Variants in PRKCH observed in about 807,000 individuals in gnomAD.
The protein encoded by PRKCH is protein kinase C eta type.
Under a neutral mutation model 82.5 loss-of-function variants are expected in PRKCH, and 28 were observed. That is an observed-to-expected ratio of 0.34 (90% CI 0.25 to 0.47). The LOEUF (loss-of-function observed/expected upper bound fraction) is 0.47. PRKCH is among the 20% of genes least tolerant of loss of function. PRKCH has a pLI of 1.00. For synonymous variants in PRKCH, 322 were observed against 327.4 expected, an observed-to-expected ratio of 0.98 and a Z score of 0.18; for missense variants, 705 against 881.8, an observed-to-expected ratio of 0.80 and a Z score of 2.54.
intron 2 of PRKCH, among the ~76,000 whole-genome samples, chr14:61,441,350 A>T (rs1883960879): frequency 6.6e-6 from 1 of 152,128 alleles, no homozygotes; most frequent in African/African-American, 2.4e-5. Context: ...AGAAAAAGAG[A>T]GCCGGTGTGG....
At chr14:61,537,134 T>C (rs781521622) in intron 12 of PRKCH, among the ~76,000 whole-genome samples, 1 of 152,174 alleles carries the variant, frequency 6.6e-6, no homozygotes, top group African/African-American at 2.4e-5. Flanking sequence ...GGAAGACTAT[T>C]TTTCTTGCTT....
chr14:61,519,211 G>A (rs909046612), intron 10 of PRKCH, among the ~76,000 whole-genome samples: 8 of 152,054 alleles, frequency 5.3e-5, no homozygotes, highest in Non-Finnish European at 1.0e-4. Flanking sequence ...GGGCCCAGAC[G>A]GTCGTGGCTG....
rs898388436 is a variant in PRKCH at position 61,391,222 on chromosome 14, T to C, written c.364-3T>C. 6.2e-7 allele frequency: 1 copy of C among 1,607,786 alleles called. No homozygotes were observed. Among genetic ancestry groups the C allele is most frequent in the African/African-American group, 1.3e-5 (1 of 74,622 alleles). On this transcript the variant is annotated splice_region_variant and splice_polypyrimidine_tract_variant and intron_variant, in intron 1 of 13. Coordinates refer to ENST00000332981, the MANE Select transcript of PRKCH (RefSeq NM_006255.5). Reference sequence around the variant, plus strand: ...TAATATACATTTTTTTTTCTCTTTGTAGGTGGATCTCGAGCCAGAGGGGAA... The same window carrying C: ...TAATATACATTTTTTTTTCTCTTTGCAGGTGGATCTCGAGCCAGAGGGGAA...
chr14:61,475,893 A>G (rs1028577123), intron 9 of PRKCH, among the ~76,000 whole-genome samples: 2 of 152,220 alleles, frequency 1.3e-5, no homozygotes, highest in African/African-American at 4.8e-5. Context: ...TGAGACTTCT[A>G]TATCTGGTTG....
chr14:61,270,864 G>C (rs750599989), intron 1 of PRKCH, among the ~76,000 whole-genome samples: 1 of 152,158 alleles, frequency 6.6e-6, no homozygotes, highest in African/African-American at 2.4e-5. Context: ...GTTCATGCTA[G>C]TCAGGAGGCT....
At chr14:61,461,372 T>C (rs769220777) in intron 9 of PRKCH, among the ~76,000 whole-genome samples, 1 of 152,184 alleles carries the variant, frequency 6.6e-6, no homozygotes, top group Non-Finnish European at 1.5e-5. Context: ...GAGGGATAGC[T>C]GGTAGCTGAT....
At chr14:61,341,025 T>A (rs1325425887) in intron 1 of PRKCH, among the ~76,000 whole-genome samples, 1 of 152,242 alleles carries the variant, frequency 6.6e-6, no homozygotes, top group Non-Finnish European at 1.5e-5. Context: ...GGAACTGGTT[T>A]CCATGAATCT....
chr14:61,264,513 G>A (rs1054671355), intron 1 of PRKCH, among the ~76,000 whole-genome samples: 1 of 152,164 alleles, frequency 6.6e-6, no homozygotes, highest in African/African-American at 2.4e-5. Context: ...TTGTGCCTAG[G>A]GCCTTCACTA....
At chr14:61,362,206 G>A (rs2046233562) in intron 1 of PRKCH, among the ~76,000 whole-genome samples, 1 of 152,040 alleles carries the variant, frequency 6.6e-6, no homozygotes, top group Non-Finnish European at 1.5e-5. Flanking sequence ...TAAGTGTGGT[G>A]CTATGTACCT....
intron 10 of PRKCH, among the ~76,000 whole-genome samples, chr14:61,519,244 T>C (rs1426711421): frequency 6.6e-6 from 1 of 151,988 alleles, no homozygotes; most frequent in Non-Finnish European, 1.5e-5. Context: ...ATCACGCTGC[T>C]GCACTCCAGC....
chr14:61,431,822 G>A (rs140463507), intron 2 of PRKCH, among the ~76,000 whole-genome samples: 122 of 152,256 alleles, frequency 8.0e-4, no homozygotes, highest in African/African-American at 2.9e-3. Flanking sequence ...CTTTTACAGT[G>A]TATTTTATCT....
intron 1 of PRKCH, among the ~76,000 whole-genome samples, chr14:61,231,024 CAG>C (rs1221284807): frequency 6.6e-6 from 1 of 152,166 alleles, no homozygotes; most frequent in Non-Finnish European, 1.5e-5. Flanking sequence ...TATTCATTAA[CAG>C]GGAGATACAT....
chr14:61,337,054 T>C (rs1334523761), intron 1 of PRKCH, among the ~76,000 whole-genome samples: 1 of 117,408 alleles, frequency 8.5e-6, no homozygotes, highest in Non-Finnish European at 1.6e-5. Context: ...GGTTACGAAG[T>C]GACAGTCTGT....
intron 13 of PRKCH, among the ~76,000 whole-genome samples, chr14:61,549,333 C>T (rs1464260225): frequency 2.0e-5 from 3 of 152,214 alleles, no homozygotes; most frequent in Non-Finnish European, 4.4e-5. Flanking sequence ...CAGCTGCACA[C>T]CCCTCAGCGA....
intron 1 of PRKCH, among the ~76,000 whole-genome samples, chr14:61,349,227 C>T (rs2046038636): frequency 6.6e-6 from 1 of 152,172 alleles, no homozygotes; most frequent in African/African-American, 2.4e-5. Flanking sequence ...GTTGAGATCA[C>T]TTTAGGGGCA....
chr14:61,284,117 A>G (rs2045294753), intron 1 of PRKCH, among the ~76,000 whole-genome samples: 1 of 152,338 alleles, frequency 6.6e-6, no homozygotes, highest in African/African-American at 2.4e-5. Context: ...CTGGTTTCAG[A>G]GAACAGGTGC....
In PRKCH at chr14:61,549,797, A is replaced by G; in HGVS notation, c.2018A>G (p.Asn673Ser). 6.2e-7 allele frequency: 1 copy of G among 1,614,048 alleles called. No individual in the cohort carries two copies. The highest frequency in any genetic ancestry group is 8.5e-7 in the Non-Finnish European group (1 of 1,179,996). The change falls in exon 14 of 14, where the codon AAC becomes AGC. Residue 673 changes from asparagine (N) to serine (S), a missense_variant. This residue lies in a region of PRKCH where 91 missense variants were observed against 81.2 expected (regional missense o/e 1.12). Coordinates refer to ENST00000332981, the MANE Select transcript of PRKCH (RefSeq NM_006255.5). ...LPMINQDEFR[N>S]FSYVSPELQP is the part of the protein sequence containing the mutation. ...ATGATTAACCAGGATGAGTTTAGAAACTTTTCCTATGTGTCTCCAGAATTG... is the reference window on the plus strand; with the variant it reads ...ATGATTAACCAGGATGAGTTTAGAAGCTTTTCCTATGTGTCTCCAGAATTG...
intron 1 of PRKCH, among the ~76,000 whole-genome samples, chr14:61,352,710 GA>G (rs2046097970): frequency 6.6e-6 from 1 of 150,646 alleles, no homozygotes; most frequent in Non-Finnish European, 1.5e-5. Flanking sequence ...AAGAAAGAAA[GA>G]AAGAAAGAAA....
intron 1 of PRKCH, among the ~76,000 whole-genome samples, chr14:61,195,708 A>G (rs1427861978): frequency 6.6e-6 from 1 of 152,206 alleles, no homozygotes; most frequent in East Asian, 1.9e-4. Context: ...GTGTCAGTTA[A>G]GAGTTTGGTG....
Sources: allele counts gnomAD v4.1 joint callset (sites outside exome capture counted in the v4.1 genomes callset), GRCh38; gene constraint gnomAD v4.1.1; regional missense constraint gnomAD v4.1.1; transcripts MANE v1.5; gene names NCBI Gene and HGNC (gene_info 2026-07-23, HGNC 2026-07-21).